RNGTT: variants seen among roughly 807,000 people sequenced by gnomAD.
RNGTT encodes the protein RNA guanylyltransferase and 5'-phosphatase, also known as mRNA-capping enzyme.
In RNGTT, 33 loss-of-function variants were observed where a neutral mutation model predicts 79.3. That is an observed-to-expected ratio of 0.42 (90% CI 0.32 to 0.56). The LOEUF (loss-of-function observed/expected upper bound fraction) is 0.56, where lower values mean the gene tolerates loss of function less well. Among genes scored for constraint, RNGTT ranks in the 20% least tolerant of loss-of-function variants. The pLI is 0.17. For missense variants in RNGTT, 497 were observed against 739.1 expected (o/e 0.67, Z 3.80); for synonymous variants, 222 against 235.9 (o/e 0.94, Z 0.54).
At chr6:88,664,084 C>A (rs1774290614) in intron 14 of RNGTT, among the ~76,000 whole-genome samples, 1 of 152,022 alleles carries the variant, frequency 6.6e-6, no homozygotes, top group Admixed American at 6.6e-5. Flanking sequence ...ATCAGAACCC[C>A]CAAGAGTATG....
chr6:88,860,609 T>C (rs1160900994), intron 8 of RNGTT, among the ~76,000 whole-genome samples: 1 of 152,174 alleles, frequency 6.6e-6, no homozygotes, highest in Non-Finnish European at 1.5e-5. Context: ...CCTTGATTCC[T>C]ATCCATTTTC....
intron 14 of RNGTT, among the ~76,000 whole-genome samples, chr6:88,651,667 A>G (rs938446097): frequency 6.6e-6 from 1 of 152,050 alleles, no homozygotes; most frequent in South Asian, 2.1e-4. Flanking sequence ...TCACAATAAG[A>G]TGTAAAAATT....
chr6:88,643,960 A>C (rs1773427879), intron 14 of RNGTT, among the ~76,000 whole-genome samples: 1 of 152,176 alleles, frequency 6.6e-6, no homozygotes, highest in East Asian at 1.9e-4. Flanking sequence ...AGCAAGAGCA[A>C]ACACATTCAA....
At chr6:88,835,670 T>C (rs1200847688) in intron 11 of RNGTT, among the ~76,000 whole-genome samples, 1 of 152,094 alleles carries the variant, frequency 6.6e-6, no homozygotes, top group East Asian at 1.9e-4. Context: ...ATAACAGAGC[T>C]TTGTAGTTTA....
intron 13 of RNGTT, among the ~76,000 whole-genome samples, chr6:88,748,862 A>G (rs2127829207): frequency 6.6e-6 from 1 of 152,218 alleles, no homozygotes; most frequent in African/African-American, 2.4e-5. Context: ...AAGCCTAATA[A>G]GTTCCAGTTG....
intron 12 of RNGTT, among the ~76,000 whole-genome samples, chr6:88,771,736 T>C (rs891028286): frequency 5.3e-5 from 8 of 152,174 alleles, no homozygotes; most frequent in Non-Finnish European, 1.2e-4. Context: ...TTCTGTAGTA[T>C]TCAGTATAGA....
chr6:88,913,985 C>G (rs1783917109), intron 4 of RNGTT, among the ~76,000 whole-genome samples: 1 of 152,034 alleles, frequency 6.6e-6, no homozygotes, highest in Admixed American at 6.5e-5. Context: ...TTCTATAAAC[C>G]AATGATGTTC....
chr6:88,776,013 T>C (rs984463902), intron 12 of RNGTT, among the ~76,000 whole-genome samples: 1 of 152,210 alleles, frequency 6.6e-6, no homozygotes, highest in African/African-American at 2.4e-5. Flanking sequence ...GGGGCATACA[T>C]TTCTCTATGA....
intron 8 of RNGTT, among the ~76,000 whole-genome samples, chr6:88,862,179 G>A: frequency 6.6e-6 from 1 of 152,130 alleles, no homozygotes; most frequent in Non-Finnish European, 1.5e-5. Context: ...TTAATGAGTT[G>A]ACTGATGGTT....
At chr6:88,812,950 G>A (rs1780189909) in intron 11 of RNGTT, among the ~76,000 whole-genome samples, 1 of 152,154 alleles carries the variant, frequency 6.6e-6, no homozygotes, top group Non-Finnish European at 1.5e-5. Context: ...AGAAAATGAT[G>A]AGAAGAGCAA....
At chr6:88,811,837 A>T (rs1160574983) in intron 11 of RNGTT, among the ~76,000 whole-genome samples, 1 of 152,270 alleles carries the variant, frequency 6.6e-6, no homozygotes, top group South Asian at 2.1e-4. Flanking sequence ...ATTGCCTGAG[A>T]ATACTCAATA....
At chr6:88,716,290 T>C (rs1776509628) in intron 13 of RNGTT, among the ~76,000 whole-genome samples, 1 of 151,806 alleles carries the variant, frequency 6.6e-6, no homozygotes, top group South Asian at 2.1e-4. Context: ...CCAGTTAGAA[T>C]GGCAATCATT....
At chr6:88,915,176 AAGTT>A (rs764330030) in intron 4 of RNGTT, among the ~76,000 whole-genome samples, 1 of 152,338 alleles carries the variant, frequency 6.6e-6, no homozygotes. Context: ...GGGGGAATGT[AAGTT>A]AGTTTAGTCA....
At position 88,863,766 on chromosome 6, in the gene RNGTT, C is replaced by A. The variant is rs188101611; in HGVS notation, c.897-10002G>T. Among the ~76,000 whole-genome samples, 8 of 152,130 alleles carry A rather than the reference C, an allele frequency of 5.3e-5. No homozygotes were observed. In the East Asian group the frequency reaches 1.5e-3, roughly 29 times the overall value. ...GTGTAAGGAAGGAGCAAATTTTTTC[C>A]AAACTACTCAACAATTTTAAAAAAT... On this transcript the variant is annotated intron_variant, in intron 8 of 15. Coordinates refer to ENST00000369485, the MANE Select transcript of RNGTT (RefSeq NM_003800.5).
intron 14 of RNGTT, among the ~76,000 whole-genome samples, chr6:88,666,713 G>C (rs1471124974): frequency 6.6e-6 from 1 of 152,210 alleles, no homozygotes; most frequent in Non-Finnish European, 1.5e-5. Context: ...TATGTGGACG[G>C]AAGCAGCTTC....
At chr6:88,847,657 T>G (rs547734813) in intron 10 of RNGTT, among the ~76,000 whole-genome samples, 2 of 152,188 alleles carry the variant, frequency 1.3e-5, no homozygotes, top group Non-Finnish European at 2.9e-5. Flanking sequence ...TAAACAATTA[T>G]TGACCTAAGG....
chr6:88,930,549 TAAAA>T (rs140509265), intron 2 of RNGTT, among the ~76,000 whole-genome samples: 1 of 151,704 alleles, frequency 6.6e-6, no homozygotes, highest in African/African-American at 2.4e-5. Flanking sequence ...GTAAATTGTT[TAAAA>T]AAAAGTTTCA....
At chr6:88,914,059 C>G (rs1425386316) in intron 4 of RNGTT, among the ~76,000 whole-genome samples, 1 of 151,966 alleles carries the variant, frequency 6.6e-6, no homozygotes, top group East Asian at 1.9e-4. Context: ...AATAAAATAC[C>G]TAGGAATACA....
chr6:88,826,844 A>ATGTGTGTG (rs1192605195), intron 11 of RNGTT, among the ~76,000 whole-genome samples: 1 of 118,788 alleles, frequency 8.4e-6, no homozygotes, highest in African/African-American at 3.5e-5. Context: ...ATATATATAT[A>ATGTGTGTG]TGTGTGTGTG....
Sources: gnomAD v4.1 joint callset for allele counts (sites outside exome capture counted in the v4.1 genomes callset) on GRCh38, gnomAD v4.1.1 for gene constraint, MANE v1.5 for transcripts, NCBI Gene and HGNC (gene_info 2026-07-23, HGNC 2026-07-21) for gene names.